TRDN: variants seen among roughly 807,000 people sequenced by gnomAD.
TRDN encodes the protein triadin in skeletal muscle.
In TRDN, 161 loss-of-function variants were observed where a neutral mutation model predicts 149.7. That is an observed-to-expected ratio of 1.08 (90% CI 0.95 to 1.23). The LOEUF is 1.23. Ranked by LOEUF, TRDN falls within the 50% of genes most tolerant of loss-of-function variation. The pLI, the probability that TRDN is intolerant of heterozygous loss-of-function variation, is 0.00. For missense variants in TRDN, 896 were observed against 823.5 expected (o/e 1.09, Z -1.08); for synonymous variants, 294 against 250.5 (o/e 1.17, Z -1.64).
At chr6:123,557,001 C>A (rs1315349825) in intron 2 of TRDN, among the ~76,000 whole-genome samples, 8 of 152,072 alleles carry the variant, frequency 5.3e-5, no homozygotes, top group Non-Finnish European at 1.0e-4. Flanking sequence ...TTGTGAAATT[C>A]CTTCTCCTGG....
At chr6:123,307,381 C>A (rs1474281333) in intron 24 of TRDN, among the ~76,000 whole-genome samples, 1 of 151,952 alleles carries the variant, frequency 6.6e-6, no homozygotes, top group Non-Finnish European at 1.5e-5. Context: ...TGGTTCCTTG[C>A]TCCTCCTCTT....
chr6:123,221,516 G>A lies in TRDN; in HGVS notation c.2021C>T (p.Thr674Ile). The change falls in exon 40 of 41, where the codon ACT becomes ATT. Residue 674 changes from threonine to isoleucine, a missense_variant. Thr to Ile is a moderately conservative substitution (Grantham distance 89). Coordinates refer to ENST00000334268, the MANE Select transcript of TRDN (RefSeq NM_006073.4). ...CTGCTTTGTGGGAGACACATCTTCA[G>A]TTCCTTCTAGTGGATAAAAAATATA... ...VPASKKAKEG[T>I]EDVSPTKQKS... is the part of the protein sequence containing the mutation. The A allele has an allele frequency of 6.4e-7, 1 of 1,566,536 alleles. No individual in the cohort carries two copies. Among genetic ancestry groups the A allele is most frequent in the Non-Finnish European group, 8.7e-7 (1 of 1,143,614 alleles).
Position 123,516,240 on chromosome 6 carries a change from A to G in TRDN, c.485-34T>C, listed in dbSNP as rs1280773775. On this transcript the variant is annotated intron_variant, in intron 5 of 40. Coordinates refer to ENST00000334268, the MANE Select transcript of TRDN (RefSeq NM_006073.4). ...AAACAGATAAATAGTTTTCATTTAA[A>G]TAACAGGAATAAATGAGGAGATGTT... The G allele has an allele frequency of 3.5e-6, 5 of 1,444,254 alleles. No individual in the cohort carries two copies. The East Asian group carries it at 1.1e-4, about 31-fold the overall frequency. 89.5% of individuals were successfully genotyped at this position (1,444,254 alleles called of 1,614,324 possible).
chr6:123,409,458 T>A (rs1423025218), intron 12 of TRDN, among the ~76,000 whole-genome samples: 2 of 152,336 alleles, frequency 1.3e-5, no homozygotes, highest in African/African-American at 4.8e-5. Flanking sequence ...CAAAGGCTCA[T>A]ATTGCTGTGA....
At chr6:123,260,573 C>T in intron 34 of TRDN, 39 bp downstream of exon 34, 1 of 1,408,926 alleles carries the variant, frequency 7.1e-7, no homozygotes, top group Non-Finnish European at 9.3e-7. Context: ...ACTGTTTCCA[C>T]AACTGTATCT....
chr6:123,562,633 A>G (rs779342441), intron 2 of TRDN, among the ~76,000 whole-genome samples: 1 of 152,236 alleles, frequency 6.6e-6, no homozygotes, highest in Non-Finnish European at 1.5e-5. Context: ...ATCAGCCAAA[A>G]GAGACTAAGA....
intron 38 of TRDN, among the ~76,000 whole-genome samples, chr6:123,224,996 C>T (rs974961585): frequency 6.6e-6 from 1 of 151,562 alleles, no homozygotes; most frequent in Non-Finnish European, 1.5e-5. Flanking sequence ...ATTTGCAAGC[C>T]ATATATCCAA....
intron 1 of TRDN, among the ~76,000 whole-genome samples, chr6:123,602,119 A>G (rs1017371885): frequency 1.3e-5 from 2 of 152,140 alleles, no homozygotes; most frequent in African/African-American, 4.8e-5. Flanking sequence ...CATTCTAGTG[A>G]GGAGAAGTTG....
intron 14 of TRDN, among the ~76,000 whole-genome samples, chr6:123,383,805 C>CT (rs1781808118): frequency 1.3e-5 from 2 of 152,162 alleles, no homozygotes; most frequent in East Asian, 3.9e-4. Flanking sequence ...GATTTTATTA[C>CT]CTCTCTTTCT....
intron 4 of TRDN, among the ~76,000 whole-genome samples, chr6:123,546,658 C>T (rs1156688660): frequency 2.6e-5 from 4 of 152,104 alleles, no homozygotes; most frequent in African/African-American, 7.2e-5. Flanking sequence ...GTTCCTACCC[C>T]TTCCTGTCAA....
chr6:123,473,212 T>C (rs1777278060), intron 9 of TRDN, among the ~76,000 whole-genome samples: 1 of 152,028 alleles, frequency 6.6e-6, no homozygotes, highest in African/African-American at 2.4e-5. Context: ...TTTAGAAGAA[T>C]GTATAACTAG....
chr6:123,399,685 T>C (rs1254006906), intron 12 of TRDN, among the ~76,000 whole-genome samples: 1 of 152,178 alleles, frequency 6.6e-6, no homozygotes, highest in African/African-American at 2.4e-5. Context: ...GGTTCCTTTC[T>C]ACCTTCTATA....
chr6:123,591,743 A>G (rs560768705), intron 1 of TRDN, among the ~76,000 whole-genome samples: 7 of 152,198 alleles, frequency 4.6e-5, no homozygotes, highest in Non-Finnish European at 8.8e-5. Context: ...GAAGAAAAAA[A>G]CCAGCAGCTT....
intron 1 of TRDN, among the ~76,000 whole-genome samples, chr6:123,591,836 T>C (rs1783799780): frequency 6.6e-6 from 1 of 152,218 alleles, no homozygotes; most frequent in African/African-American, 2.4e-5. Flanking sequence ...TTCATGCCCA[T>C]ATTTCAAAAG....
At chr6:123,342,870 A>G (rs1371111477) in intron 21 of TRDN, among the ~76,000 whole-genome samples, 2 of 152,074 alleles carry the variant, frequency 1.3e-5, no homozygotes, top group East Asian at 1.9e-4. Context: ...CTTGCAAATC[A>G]TATGTCTGAA....
At chr6:123,559,392 G>A (rs986667054) in intron 2 of TRDN, among the ~76,000 whole-genome samples, 44 of 152,124 alleles carry the variant, frequency 2.9e-4, no homozygotes, top group African/African-American at 1.1e-3. Flanking sequence ...CTATTAGGCC[G>A]AGACACTTTA....
At chr6:123,414,825 A>G (rs1374476809) in intron 12 of TRDN, among the ~76,000 whole-genome samples, 1 of 152,104 alleles carries the variant, frequency 6.6e-6, no homozygotes, top group African/African-American at 2.4e-5. Flanking sequence ...ATTATTACTG[A>G]TTTCATTCTC....
chr6:123,625,003 T>C (rs1785578359), intron 1 of TRDN, among the ~76,000 whole-genome samples: 1 of 152,028 alleles, frequency 6.6e-6, no homozygotes, highest in Non-Finnish European at 1.5e-5. Context: ...CAAGGTAAGT[T>C]GGTATCCCAG....
At chr6:123,503,944 C>T in intron 7 of TRDN, 43 bp from the exon 8 acceptor site, 1 of 1,507,156 alleles carries the variant, frequency 6.6e-7, no homozygotes. Flanking sequence ...TGTTTATTTA[C>T]AAACATAATG....
Sources: gnomAD v4.1 joint callset for allele counts (sites outside exome capture counted in the v4.1 genomes callset) on GRCh38, gnomAD v4.1.1 for gene constraint, MANE v1.5 for transcripts, NCBI Gene and HGNC (gene_info 2026-07-23, HGNC 2026-07-21) for gene names.